Variants in TRIO observed in about 807,000 individuals in gnomAD.
TRIO encodes trio Rho guanine nucleotide exchange factor.
A neutral mutation model predicts 351.9 loss-of-function variants in TRIO; 58 were observed. The observed-to-expected ratio is 0.16, with a 90% CI of 0.13 to 0.21. The LOEUF (loss-of-function observed/expected upper bound fraction) is 0.21. Among genes scored for constraint, TRIO ranks in the 10% least tolerant of loss-of-function variants. The pLI, the probability that TRIO is intolerant of heterozygous loss-of-function variation, is 1.00. For synonymous variants in TRIO, 1,758 were observed against 1,595.7 expected, an observed-to-expected ratio of 1.10 and a Z score of -2.42; for missense variants, 3,201 against 4,027.8, an observed-to-expected ratio of 0.79 and a Z score of 5.56.
intron 1 of TRIO, among the ~76,000 whole-genome samples, chr5:14,251,165 G>A (rs1436154902): frequency 6.6e-6 from 1 of 152,174 alleles, no homozygotes; most frequent in Non-Finnish European, 1.5e-5. Flanking sequence ...TGGTGATCAG[G>A]TGCTACTACA....
At position 14,183,919 on chromosome 5, in the gene TRIO, T is replaced by A. The variant is rs762729057; in HGVS notation, c.157+40037T>A. ...TTTTATTTTCGTGGTAACCGTTTTT[T>A]AAAAAAGATTAATAAATTACCCAAG... On this transcript the variant is annotated intron_variant, in intron 1 of 56. Coordinates refer to ENST00000344204, the MANE Select transcript of TRIO (RefSeq NM_007118.4). 4 of 696,456 alleles carry A rather than the reference T, an allele frequency of 5.7e-6. No homozygotes were observed. In the South Asian group the frequency reaches 5.9e-5, roughly 10 times the overall value. The allele number at this position is 696,456 out of a possible 1,614,324, so 43.1% of individuals were successfully genotyped here.
intron 40 of TRIO, among the ~76,000 whole-genome samples, chr5:14,474,754 C>T (rs1287938899): frequency 6.6e-6 from 1 of 152,134 alleles, no homozygotes; most frequent in African/African-American, 2.4e-5. Context: ...CCTTGAACTC[C>T]TGGGTTCAAG....
rs114278732 is a variant in TRIO at position 14,361,621 on chromosome 5, T to G, written c.2391+2090T>G. 1.2e-3 allele frequency among the ~76,000 whole-genome samples: 183 copies of G among 152,326 alleles called. 1 individual carries two copies. The highest frequency in any genetic ancestry group is 3.4e-3 in the Middle Eastern group (1 of 294). ...TGGTAGAATTGATCTGTTACCCGGT[T>G]AATTTATTTTAAGTCCCTCATATCT... On this transcript the variant is annotated intron_variant, in intron 13 of 56. Coordinates refer to ENST00000344204, the MANE Select transcript of TRIO (RefSeq NM_007118.4).
rs1461013879 is a variant in TRIO, at chr5:14,364,691, C to A, written c.2629C>A (p.Arg877=). ...LCDRDVDMAT[R]VQDLLEFLHE... is the part of the protein sequence containing the mutation. The stretch of plus-strand genomic sequence containing the variant: ...TGATAGAGATGTAGACATGGCAACT[C>A]GGGTCCAGGACCTGCTGGAGTTTCT... Residue 877 remains arginine (R), a synonymous_variant, in exon 15 of 57, where the codon CGG becomes AGG. Transcript: ENST00000344204. 1 of 1,613,858 alleles carries A rather than the reference C, an allele frequency of 6.2e-7. No individual in the cohort carries two copies. The highest frequency in any genetic ancestry group is 1.1e-5 in the South Asian group (1 of 91,052).
intron 1 of TRIO, among the ~76,000 whole-genome samples, chr5:14,173,342 C>G (rs1033423565): frequency 2.6e-5 from 4 of 151,802 alleles, no homozygotes; most frequent in Admixed American, 2.6e-4. Context: ...TCCCGAGTAG[C>G]TGGGACTGCA....
intron 1 of TRIO, among the ~76,000 whole-genome samples, chr5:14,248,077 A>AG: frequency 6.6e-6 from 1 of 151,938 alleles, no homozygotes; most frequent in East Asian, 1.9e-4. Flanking sequence ...AAAAAAAAAA[A>AG]AAAAGAAAAT....
chr5:14,496,806 C>T (rs1191927947), intron 49 of TRIO, 73 bp from the exon 50 acceptor site: 3 of 1,571,176 alleles, frequency 1.9e-6, no homozygotes, highest in Non-Finnish European at 2.6e-6. Flanking sequence ...TTCAGCTTTT[C>T]TTTAACGCTT....
At chr5:14,361,933 C>T (rs1744188222) in intron 13 of TRIO, among the ~76,000 whole-genome samples, 1 of 152,192 alleles carries the variant, frequency 6.6e-6, no homozygotes, top group African/African-American at 2.4e-5. Flanking sequence ...GCCTGGTCAA[C>T]ATGGTGAAAC....
chr5:14,360,415 C>G (rs1043765601), intron 13 of TRIO, among the ~76,000 whole-genome samples: 1 of 152,232 alleles, frequency 6.6e-6, no homozygotes, highest in Non-Finnish European at 1.5e-5. Context: ...TGAGCCTGCT[C>G]TCCTGGAGTC....
At chr5:14,153,617 G>A (rs1464683368) in intron 1 of TRIO, among the ~76,000 whole-genome samples, 3 of 152,162 alleles carry the variant, frequency 2.0e-5, no homozygotes, top group Non-Finnish European at 4.4e-5. Flanking sequence ...TTCAGCAGGT[G>A]GATGCCATTC....
At chr5:14,391,478 A>G (rs1476466427) in intron 27 of TRIO, among the ~76,000 whole-genome samples, 2 of 152,256 alleles carry the variant, frequency 1.3e-5, no homozygotes, top group East Asian at 3.8e-4. Flanking sequence ...GTGCCATAAC[A>G]ACTAGGATAA....
intron 1 of TRIO, among the ~76,000 whole-genome samples, chr5:14,177,453 C>G (rs905362230): frequency 5.3e-5 from 8 of 152,136 alleles, no homozygotes; most frequent in Admixed American, 6.5e-5. Flanking sequence ...ACGCACCATC[C>G]TAGGTTTGTA....
intron 2 of TRIO, among the ~76,000 whole-genome samples, chr5:14,271,203 G>A (rs933103746): frequency 3.9e-5 from 6 of 152,146 alleles, no homozygotes; most frequent in Admixed American, 2.6e-4. Context: ...TTAAAAATCC[G>A]ATCATTTCAA....
intron 33 of TRIO, among the ~76,000 whole-genome samples, chr5:14,414,862 C>T (rs1030387371): frequency 2.6e-5 from 4 of 152,174 alleles, no homozygotes; most frequent in South Asian, 2.1e-4. Flanking sequence ...CTGATCAGCC[C>T]GAGTCTCCGT....
rs779535196 is a variant in TRIO, at chr5:14,507,892, C to T, written c.8764C>T (p.Leu2922=). 5 of 1,613,138 alleles carry T rather than the reference C, an allele frequency of 3.1e-6. No homozygotes were observed. The highest frequency in any genetic ancestry group is 4.2e-6 in the Non-Finnish European group (5 of 1,179,442). ...AHLDLKPENI[L]VDESLAKPTI... is the part of the protein sequence containing the mutation. ...TTCTGATTTCCAGCCTGAGAATATCCTGGTGGATGAGAGTTTAGCCAAGCC... is the reference window on the plus strand; with the variant it reads ...TTCTGATTTCCAGCCTGAGAATATCTTGGTGGATGAGAGTTTAGCCAAGCC... Residue 2922 remains leucine (L), a synonymous_variant, in exon 57 of 57, where the codon CTG becomes TTG. Coordinates refer to ENST00000344204, the MANE Select transcript of TRIO (RefSeq NM_007118.4).
chr5:14,366,249 C>G (rs955227856), intron 15 of TRIO, among the ~76,000 whole-genome samples: 2 of 152,122 alleles, frequency 1.3e-5, no homozygotes, highest in East Asian at 3.9e-4. Flanking sequence ...CTTGAGGTCA[C>G]TGCCACACCT....
chr5:14,247,209 G>A (rs566938404), intron 1 of TRIO, among the ~76,000 whole-genome samples: 6 of 152,326 alleles, frequency 3.9e-5, no homozygotes, highest in Admixed American at 6.5e-5. Flanking sequence ...TGCTGCCCTC[G>A]GCTGGAGCCT....
intron 1 of TRIO, among the ~76,000 whole-genome samples, chr5:14,263,286 T>C (rs1581476492): frequency 6.6e-6 from 1 of 152,180 alleles, no homozygotes; most frequent in South Asian, 2.1e-4. Context: ...AGCTAGTCCA[T>C]GTGCACTGAG....
At chr5:14,488,351 C>T (rs779553547) in intron 48 of TRIO, 91 bp downstream of exon 48, 3 of 1,468,534 alleles carry the variant, frequency 2.0e-6, no homozygotes, top group South Asian at 2.7e-5. Context: ...ACTAACTCGG[C>T]TGCCCAGCGC....
Sources: allele counts gnomAD v4.1 joint callset (sites outside exome capture counted in the v4.1 genomes callset), GRCh38; gene constraint gnomAD v4.1.1; transcripts MANE v1.5; gene names NCBI Gene and HGNC (gene_info 2026-07-23, HGNC 2026-07-21).